The following CEP135 variants were observed in gnomAD, a reference collection of about 807,000 sequenced individuals.
The protein encoded by CEP135 is centrosomal protein of 135 kDa.
CEP135 carries 142 observed loss-of-function variants against 157.3 expected under a neutral mutation model. The observed-to-expected ratio is 0.90, with a 90% CI of 0.79 to 1.04. The LOEUF is 1.04. Among genes scored for constraint, CEP135 ranks in the 50% least tolerant of loss-of-function variants. The pLI is 0.00. For synonymous variants in CEP135, 396 were observed against 439.8 expected, an observed-to-expected ratio of 0.90 and a Z score of 1.25; for missense variants, 1,317 against 1,309.2, an observed-to-expected ratio of 1.01 and a Z score of -0.09.
chr4:56,003,484 A>G (rs961022763), intron 17 of CEP135, among the ~76,000 whole-genome samples: 10 of 152,138 alleles, frequency 6.6e-5, no homozygotes, highest in African/African-American at 2.4e-4. Flanking sequence ...CTGGGATTAG[A>G]GGTGTGAGCC....
At chr4:56,014,086 GAAGGAACCAAACCTGCCAAC>G (rs1354355957) in intron 21 of CEP135, among the ~76,000 whole-genome samples, 2 of 152,206 alleles carry the variant, frequency 1.3e-5, no homozygotes, top group African/African-American at 2.4e-5. Context: ...AGAATCTCCA[GAAGGAACCAAACCTGCCAAC>G]ACCTGAATTT....
At chr4:56,006,487 T>C (rs1411728650) in intron 17 of CEP135, among the ~76,000 whole-genome samples, 2 of 152,178 alleles carry the variant, frequency 1.3e-5, no homozygotes, top group Non-Finnish European at 2.9e-5. Context: ...TGTGGTGATG[T>C]GCACCTGTGG....
chr4:55,950,165 T>C (rs553518602), intron 1 of CEP135, among the ~76,000 whole-genome samples: 2 of 152,308 alleles, frequency 1.3e-5, no homozygotes, highest in South Asian at 4.1e-4. Context: ...AAGAGAAAGA[T>C]ATACAGAAAG....
chr4:55,958,466 A>G (rs1228549251), intron 5 of CEP135, among the ~76,000 whole-genome samples: 2 of 152,168 alleles, frequency 1.3e-5, no homozygotes, highest in Non-Finnish European at 2.9e-5. Flanking sequence ...CTCAGTTGTC[A>G]CATAATATTT....
In CEP135 at chr4:56,008,374, A is replaced by G. The variant is rs1202780893; in HGVS notation, c.2328A>G (p.Ser776=). 6.2e-7 allele frequency: 1 copy of G among 1,609,334 alleles called. No homozygotes were observed. Among genetic ancestry groups the G allele is most frequent in the South Asian group, 1.1e-5 (1 of 90,170 alleles). ...AGATAATGATCTCAGAGTGTGAATC[A>G]TCTGTGAAGTAAGTCATTAATGAAA... is the stretch of plus-strand genomic sequence containing the variant. ...QMKIMISECE[S]SVNQLKETLV... The change falls in exon 18 of 26, where the codon TCA becomes TCG. Residue 776 remains serine, a synonymous_variant. Transcript: ENST00000257287.
rs918880220 is a variant in CEP135 at position 56,008,248 on chromosome 4, A to G, written c.2281-79A>G. ...TATAATTGAGCTGTGTATTTGAACT[A>G]TATGAATATGACAAGTTACATAAAT... On this transcript the variant is annotated intron_variant, in intron 17 of 25. Transcript: ENST00000257287. 61 of 992,584 alleles carry G rather than the reference A, an allele frequency of 6.1e-5. 1 individual carries two copies. In the African/African-American group the frequency reaches 6.4e-4, roughly 10 times the overall value. The allele number at this position is 992,584 out of a possible 1,614,324, so 61.5% of individuals were successfully genotyped here.
rs1462389132 is a variant in CEP135 at position 56,017,563 on chromosome 4, A to G, written c.2803-85A>G. 1.2e-5 allele frequency: 14 copies of G among 1,203,182 alleles called. No homozygotes were observed. The African/African-American group carries it at 2.2e-4, about 19-fold the overall frequency. The allele number at this position is 1,203,182 out of a possible 1,614,324, so 74.5% of individuals were successfully genotyped here. A position where few individuals can be genotyped will look rare whatever the true frequency, so the allele number is the denominator to read the frequency against. On this transcript the variant is annotated intron_variant, in intron 21 of 25. Transcript: ENST00000257287. ...AAAATTGGCTGTCATATTTTTCTAA[A>G]GTGAGATTGTTGGCTGTACAAATTC...
chr4:56,020,909 G>T (rs1213463640), intron 24 of CEP135, 129 bp downstream of exon 24: 4 of 615,222 alleles, frequency 6.5e-6, no homozygotes, highest in Non-Finnish European at 1.1e-5. Context: ...CATTTCTTTG[G>T]TAATTCTTCC....
At chr4:56,014,524 T>G (rs1338526028) in intron 21 of CEP135, among the ~76,000 whole-genome samples, 1 of 152,234 alleles carries the variant, frequency 6.6e-6, no homozygotes, top group Non-Finnish European at 1.5e-5. Context: ...TGAGAAAAGA[T>G]GTTACTTGTT....
At chr4:56,018,394 G>A (rs1246118001) in intron 22 of CEP135, among the ~76,000 whole-genome samples, 1 of 152,144 alleles carries the variant, frequency 6.6e-6, no homozygotes, top group Non-Finnish European at 1.5e-5. Flanking sequence ...GGAATAGATG[G>A]CTATCTAGGA....
At chr4:55,968,931 A>G in intron 8 of CEP135, 132 bp from the exon 9 acceptor site, 1 of 531,180 alleles carries the variant, frequency 1.9e-6, no homozygotes, top group South Asian at 3.9e-5. Flanking sequence ...GTTGAAATTG[A>G]TAGGGATAAA....
rs1460375471 is a variant in CEP135, at chr4:56,031,497, A to C, written c.*149A>C. On this transcript the variant is annotated 3_prime_UTR_variant, in exon 26 of 26. Transcript: ENST00000257287. Reference sequence around the variant, plus strand: ...TGTCAACTTTTATTTAAATCAGTGAATATGTTAAAAAGTTTGGTTTAAAAG... The same window carrying C: ...TGTCAACTTTTATTTAAATCAGTGACTATGTTAAAAAGTTTGGTTTAAAAG... The C allele has an allele frequency of 3.9e-5, 6 of 152,616 alleles. No homozygotes were observed. In the East Asian group the frequency reaches 9.6e-4, roughly 24 times the overall value. The allele number at this position is 152,616 out of a possible 1,614,324, so 9.5% of individuals were successfully genotyped here.
At chr4:56,008,939 A>G (rs1017453165) in intron 18 of CEP135, among the ~76,000 whole-genome samples, 4 of 152,174 alleles carry the variant, frequency 2.6e-5, no homozygotes, top group Non-Finnish European at 1.5e-5. Context: ...ACTCTGTCGC[A>G]CAGGCTGGAG....
At chr4:55,980,458 A>G (rs1729364373) in intron 12 of CEP135, among the ~76,000 whole-genome samples, 163 bp downstream of exon 12, 1 of 152,202 alleles carries the variant, frequency 6.6e-6, no homozygotes, top group Non-Finnish European at 1.5e-5. Context: ...TTTCTAAAAC[A>G]CAAATTTCTC....
At chr4:56,023,019 G>T (rs1422045767) in intron 24 of CEP135, among the ~76,000 whole-genome samples, 4 of 151,560 alleles carry the variant, frequency 2.6e-5, no homozygotes. Flanking sequence ...ATCGCTTGAG[G>T]CCAGGAGTTC....
chr4:56,024,675 A>G, intron 25 of CEP135, 61 bp downstream of exon 25: 1 of 1,151,874 alleles, frequency 8.7e-7, no homozygotes, highest in Non-Finnish European at 1.3e-6. Flanking sequence ...TTCAGAAAGT[A>G]GTTTTCTGCA....
chr4:56,016,533 G>A (rs1450036062), intron 21 of CEP135, among the ~76,000 whole-genome samples: 5 of 152,056 alleles, frequency 3.3e-5, no homozygotes, highest in Non-Finnish European at 7.4e-5. Flanking sequence ...TAAAGTATAA[G>A]CCAATTTCAC....
chr4:55,964,043 A>G (rs1006738337), intron 6 of CEP135, among the ~76,000 whole-genome samples: 4 of 152,374 alleles, frequency 2.6e-5, no homozygotes, highest in African/African-American at 7.2e-5. Flanking sequence ...GGAAGAATCT[A>G]TGTAGTAAAA....
chr4:55,963,352 C>T (rs1389038962), intron 6 of CEP135, among the ~76,000 whole-genome samples: 2 of 152,194 alleles, frequency 1.3e-5, no homozygotes, highest in African/African-American at 4.8e-5. Flanking sequence ...ATCCCATGCA[C>T]ATTACATCCA....
Sources: allele counts gnomAD v4.1 joint callset (sites outside exome capture counted in the v4.1 genomes callset), GRCh38; gene constraint gnomAD v4.1.1; transcripts MANE v1.5; gene names NCBI Gene and HGNC (gene_info 2026-07-23, HGNC 2026-07-21).